The following FGF14 variants were observed in gnomAD, a reference collection of about 807,000 sequenced individuals.
FGF14 encodes fibroblast growth factor homologous factor 4.
In FGF14, 5 loss-of-function variants were observed where a neutral mutation model predicts 25.5. The observed-to-expected ratio is 0.20, with a 90% CI of 0.10 to 0.41. FGF14 has a LOEUF of 0.41. FGF14 is among the 10% of genes least tolerant of loss of function. The pLI is 1.00. For missense variants in FGF14, 222 were observed against 320.1 expected (o/e 0.69, Z 2.34); for synonymous variants, 138 against 118.3 (o/e 1.17, Z -1.08).
intron 3 of FGF14, among the ~76,000 whole-genome samples, chr13:101,832,985 G>A (rs573949006): frequency 2.0e-5 from 3 of 152,010 alleles, no homozygotes; most frequent in East Asian, 1.9e-4. Flanking sequence ...TTTGTTTGCC[G>A]GATCTCTTTG....
At chr13:101,844,696 T>C (rs565397842) in intron 3 of FGF14, among the ~76,000 whole-genome samples, 1 of 152,160 alleles carries the variant, frequency 6.6e-6, no homozygotes, top group East Asian at 1.9e-4. Flanking sequence ...ATACATAGTG[T>C]ACATTTCCAT....
At chr13:102,267,219 T>A (rs539630689) in intron 1 of FGF14, among the ~76,000 whole-genome samples, 27 of 152,304 alleles carry the variant, frequency 1.8e-4, no homozygotes, top group Admixed American at 1.6e-3. Context: ...GGCAGATGAA[T>A]GATTTGGGGC....
At chr13:101,875,164 G>C (rs1179703801) in intron 2 of FGF14, 22 bp downstream of exon 2, 1 of 1,489,754 alleles carries the variant, frequency 6.7e-7, no homozygotes, top group African/African-American at 1.4e-5. Flanking sequence ...TATGTAACTG[G>C]TGGCCTGAGG....
At chr13:102,053,339 T>G (rs1285052387) in intron 1 of FGF14, among the ~76,000 whole-genome samples, 1 of 151,978 alleles carries the variant, frequency 6.6e-6, no homozygotes, top group South Asian at 2.1e-4. Context: ...AGGAAACACA[T>G]GGACTGAAAG....
At chr13:102,152,767 A>C (rs2140511320) in intron 1 of FGF14, among the ~76,000 whole-genome samples, 1 of 152,300 alleles carries the variant, frequency 6.6e-6, no homozygotes, top group Middle Eastern at 3.4e-3. Context: ...AAATATATCT[A>C]AACACTGCAT....
At chr13:102,151,929 A>G (rs17589000) in intron 1 of FGF14, among the ~76,000 whole-genome samples, 1 of 152,152 alleles carries the variant, frequency 6.6e-6, no homozygotes, top group Non-Finnish European at 1.5e-5. Flanking sequence ...TGTTAGCTCA[A>G]TTATTCCCCA....
chr13:101,916,880 G>C lies in FGF14; in HGVS notation c.-235C>G, dbSNP rs900395364. Among the ~76,000 whole-genome samples the C allele has an allele frequency of 6.6e-6, 1 of 152,110 alleles. No individual in the cohort carries two copies. The highest frequency in any genetic ancestry group is 1.5e-5 in the Non-Finnish European group (1 of 67,986). Reference sequence around the variant, plus strand: ...GCCCAGGGCGCAGCCGGACGATCCCGGGAAGCCGGACGTCGTGGCCGCCGC... The same window carrying C: ...GCCCAGGGCGCAGCCGGACGATCCCCGGAAGCCGGACGTCGTGGCCGCCGC... On this transcript the variant is annotated 5_prime_UTR_variant, in exon 1 of 5. Coordinates refer to ENST00000376143, the MANE Select transcript of FGF14 (RefSeq NM_004115.4).
intron 1 of FGF14, among the ~76,000 whole-genome samples, chr13:102,135,821 A>G (rs1380500179): frequency 6.6e-6 from 1 of 151,532 alleles, no homozygotes; most frequent in Non-Finnish European, 1.5e-5. Flanking sequence ...ACGCCCGGCT[A>G]ATTTTTGTAT....
intron 1 of FGF14, chr13:102,292,662 C>T (rs1038762526): frequency 6.6e-6 from 1 of 152,208 alleles, no homozygotes; most frequent in African/African-American, 2.4e-5. Flanking sequence ...ACCTCACCTA[C>T]AACAATGGGC....
intron 1 of FGF14, among the ~76,000 whole-genome samples, chr13:102,213,924 G>C (rs921703883): frequency 2.6e-5 from 4 of 152,188 alleles, no homozygotes; most frequent in Non-Finnish European, 4.4e-5. Flanking sequence ...AGATGCTCCA[G>C]CCTCAAGAAT....
chr13:102,386,084 A>C (rs909088262), intron 1 of FGF14, among the ~76,000 whole-genome samples: 2 of 151,826 alleles, frequency 1.3e-5, no homozygotes, highest in African/African-American at 4.8e-5. Flanking sequence ...TTTTCTTGTA[A>C]TTCTAAAGGG....
intron 1 of FGF14, among the ~76,000 whole-genome samples, chr13:102,223,973 G>A (rs184950373): frequency 6.6e-6 from 1 of 152,104 alleles, no homozygotes; most frequent in Admixed American, 6.6e-5. Context: ...TTGAGTTACA[G>A]ATTAATCAGG....
intron 1 of FGF14, among the ~76,000 whole-genome samples, chr13:102,388,483 C>T (rs2058358038): frequency 6.6e-6 from 1 of 152,190 alleles, no homozygotes; most frequent in Non-Finnish European, 1.5e-5. Context: ...CATGAGGCAC[C>T]ACAGTCCACA....
intron 1 of FGF14, among the ~76,000 whole-genome samples, chr13:102,282,513 T>G (rs189879231): frequency 6.6e-5 from 10 of 152,202 alleles, no homozygotes; most frequent in Non-Finnish European, 1.5e-4. Context: ...ATACTTAGTG[T>G]TCCATAATGA....
chr13:102,240,440 A>G (rs2051538926), intron 1 of FGF14, among the ~76,000 whole-genome samples: 1 of 152,176 alleles, frequency 6.6e-6, no homozygotes, highest in African/African-American at 2.4e-5. Context: ...CTCAACTAAA[A>G]TAAACATTTC....
chr13:102,399,175 A>C (rs1475458288), intron 1 of FGF14, among the ~76,000 whole-genome samples: 1 of 152,236 alleles, frequency 6.6e-6, no homozygotes, highest in East Asian at 1.9e-4. Flanking sequence ...AAGTGTAATA[A>C]GATTGTGACT....
intron 1 of FGF14, among the ~76,000 whole-genome samples, chr13:102,308,934 A>AAAAC (rs1555398892): frequency 7.2e-6 from 1 of 139,678 alleles, no homozygotes; most frequent in African/African-American, 2.7e-5. Flanking sequence ...AAAAAAAAAA[A>AAAAC]CACAAAAAAA....
Position 101,717,842 on chromosome 13 carries a change from C to T in FGF14, c.*4989G>A, listed in dbSNP as rs2034784677. ...TGATTCTCTATAGCTCATCACAAAA[C>T]CTCAGGTATGTCTTATTTTTCTTAT... On this transcript the variant is annotated 3_prime_UTR_variant, in exon 5 of 5. Coordinates refer to ENST00000376143, the MANE Select transcript of FGF14 (RefSeq NM_004115.4). 6.6e-6 allele frequency: 1 copy of T among 152,108 alleles called. No homozygotes were observed. Among genetic ancestry groups the T allele is most frequent in the Admixed American group, 6.6e-5 (1 of 15,262 alleles). The allele number at this position is 152,108 out of a possible 1,614,324, so 9.4% of individuals were successfully genotyped here.
intron 3 of FGF14, among the ~76,000 whole-genome samples, chr13:101,849,759 T>G (rs550377295): frequency 1.3e-5 from 2 of 152,222 alleles, no homozygotes; most frequent in African/African-American, 4.8e-5. Context: ...TGCCTGATCC[T>G]GCATTGTTGA....
Sources: allele counts gnomAD v4.1 joint callset (sites outside exome capture counted in the v4.1 genomes callset), GRCh38; gene constraint gnomAD v4.1.1; transcripts MANE v1.5; gene names NCBI Gene and HGNC (gene_info 2026-07-23, HGNC 2026-07-21).